Variants in ALK observed in about 807,000 individuals in gnomAD.
ALK encodes the protein ALK tyrosine kinase receptor.
Under a neutral mutation model 163.1 loss-of-function variants are expected in ALK, and 74 were observed. That is an observed-to-expected ratio of 0.45 (90% confidence interval 0.38 to 0.55). The LOEUF (loss-of-function observed/expected upper bound fraction) is 0.55, where lower values mean the gene tolerates loss of function less well. Ranked by LOEUF, ALK falls within the 20% of genes least tolerant of loss-of-function variation. ALK has a pLI of 0.00. For missense variants in ALK, 2,063 were observed against 2,105.3 expected (o/e 0.98, Z 0.39); for synonymous variants, 960 against 843.2 (o/e 1.14, Z -2.40).
intron 8 of ALK, among the ~76,000 whole-genome samples, chr2:29,308,892 C>A (rs1027696160): frequency 2.0e-5 from 3 of 147,744 alleles, no homozygotes; most frequent in Non-Finnish European, 4.5e-5. Context: ...GTTAAAGTTT[C>A]TGTCTGGTTT....
Position 29,716,927 on chromosome 2 carries a change from G to A in ALK, c.787+651C>T, listed in dbSNP as rs1296815520. 3.5e-5 allele frequency among the ~76,000 whole-genome samples: 5 copies of A among 144,334 alleles called. No homozygotes were observed. In the East Asian group the frequency reaches 8.1e-4, roughly 23 times the overall value. 94.7% of individuals were successfully genotyped at this position (144,334 alleles called of 152,430 possible). On this transcript the variant is annotated intron_variant, in intron 2 of 28. Transcript: ENST00000389048. ...TAGAAGGCTGAGGCAGGCGGATCAC[G>A]AGGTCAGGAGATCAAGACCATCCTG... is the stretch of plus-strand genomic sequence containing the variant.
chr2:29,265,210 G>A (rs529589765), intron 11 of ALK, among the ~76,000 whole-genome samples: 1 of 152,098 alleles, frequency 6.6e-6, no homozygotes, highest in Non-Finnish European at 1.5e-5. Flanking sequence ...TAGAGACAGG[G>A]TTTCACCATG....
chr2:29,732,112 T>C (rs1679758749), intron 1 of ALK, among the ~76,000 whole-genome samples: 1 of 152,226 alleles, frequency 6.6e-6, no homozygotes, highest in Admixed American at 6.5e-5. Context: ...AATGCATTGC[T>C]ACAATAGGGA....
chr2:29,354,611 A>AGAGAGAGAGG (rs1174776922), intron 5 of ALK, among the ~76,000 whole-genome samples: 2 of 136,690 alleles, frequency 1.5e-5, no homozygotes, highest in African/African-American at 5.5e-5. Context: ...AGAGAGAGAG[A>AGAGAGAGAGG]GAGAAGCTAA....
intron 12 of ALK, among the ~76,000 whole-genome samples, chr2:29,244,443 A>G (rs1361985728): frequency 1.3e-5 from 2 of 152,078 alleles, no homozygotes; most frequent in Non-Finnish European, 2.9e-5. Context: ...GAAGGGCCCA[A>G]TTGTGGAGGC....
intron 1 of ALK, among the ~76,000 whole-genome samples, chr2:29,902,032 T>C (rs891267237): frequency 2.6e-5 from 4 of 152,204 alleles, no homozygotes; most frequent in African/African-American, 7.2e-5. Flanking sequence ...CAAAAAGACA[T>C]GAAATTAAGT....
intron 4 of ALK, among the ~76,000 whole-genome samples, chr2:29,485,848 T>G (rs1374577913): frequency 2.0e-5 from 3 of 152,194 alleles, no homozygotes; most frequent in Non-Finnish European, 4.4e-5. Context: ...CGAAAAACAG[T>G]GGCCTCAGTG....
At chr2:29,409,535 C>T (rs898273302) in intron 4 of ALK, among the ~76,000 whole-genome samples, 2 of 152,150 alleles carry the variant, frequency 1.3e-5, no homozygotes, top group South Asian at 4.1e-4. Flanking sequence ...ATCCATTATT[C>T]TACTTTCCTC....
chr2:29,705,240 A>AAAG (rs1678863149), intron 2 of ALK, among the ~76,000 whole-genome samples: 1 of 47,122 alleles, frequency 2.1e-5, no homozygotes, highest in Non-Finnish European at 4.5e-5. Flanking sequence ...AAAGAAAAGA[A>AAAG]ATATATATAT....
intron 9 of ALK, among the ~76,000 whole-genome samples, chr2:29,285,321 T>C (rs182990327): frequency 1.6e-4 from 24 of 152,256 alleles, no homozygotes; most frequent in Non-Finnish European, 2.9e-4. Context: ...AGTGGTGTGA[T>C]CTTGGCTTAC....
intron 5 of ALK, among the ~76,000 whole-genome samples, chr2:29,347,502 G>C (rs990481381): frequency 6.6e-6 from 1 of 152,200 alleles, no homozygotes; most frequent in Non-Finnish European, 1.5e-5. Flanking sequence ...GCAGTCTGCC[G>C]TTGAGACCTT....
At chr2:29,571,482 T>A (rs1386113940) in intron 3 of ALK, among the ~76,000 whole-genome samples, 1 of 152,134 alleles carries the variant, frequency 6.6e-6, no homozygotes, top group African/African-American at 2.4e-5. Flanking sequence ...GTGAAGAACA[T>A]CCTTGTTTCC....
At chr2:29,572,589 T>C (rs1271372420) in intron 3 of ALK, among the ~76,000 whole-genome samples, 1 of 152,138 alleles carries the variant, frequency 6.6e-6, no homozygotes, top group Non-Finnish European at 1.5e-5. Context: ...TATATTCTCA[T>C]AGCAGCCTCT....
rs769693896 is a variant in ALK at position 29,196,853 on chromosome 2, T to C, written c.4081A>G (p.Ile1361Val). The C allele has an allele frequency of 1.2e-6, 2 of 1,612,690 alleles. No individual in the cohort carries two copies. Among genetic ancestry groups the C allele is most frequent in the South Asian group, 2.2e-5 (2 of 91,052 alleles). ...PKNCPGPVYR[I>V]MTQCWQHQPE... is the part of the protein sequence containing the mutation. ...TGATGTTGCCAGCACTGAGTCATTA[T>C]CCGGTATCTAAAAGAAGAAGCACAT... The change falls in exon 28 of 29, where the codon ATA becomes GTA. Residue 1361 changes from isoleucine (I) to valine (V), a missense_variant. Ile to Val is a conservative substitution (Grantham distance 29). This residue lies in a region of ALK where 403 missense variants were observed against 366.2 expected (regional missense o/e 1.10). Coordinates refer to ENST00000389048, the MANE Select transcript of ALK (RefSeq NM_004304.5).
chr2:29,605,043 T>A (rs1320413731), intron 3 of ALK, among the ~76,000 whole-genome samples: 2 of 152,200 alleles, frequency 1.3e-5, no homozygotes, highest in Non-Finnish European at 2.9e-5. Context: ...TAATCTACAG[T>A]CTAAAGAAAA....
chr2:29,750,662 A>G (rs892370203), intron 1 of ALK, among the ~76,000 whole-genome samples: 3 of 123,936 alleles, frequency 2.4e-5, no homozygotes, highest in Non-Finnish European at 5.4e-5. Context: ...GAAGGAAGGA[A>G]GGAAGGAAGG....
chr2:29,249,741 C>T (rs1664770250), intron 12 of ALK, among the ~76,000 whole-genome samples: 1 of 152,194 alleles, frequency 6.6e-6, no homozygotes, highest in Non-Finnish European at 1.5e-5. Flanking sequence ...CTCCAGGAGT[C>T]CTTTCCTCCC....
At chr2:29,889,354 CTTAT>C (rs1369128689) in intron 1 of ALK, among the ~76,000 whole-genome samples, 2 of 151,802 alleles carry the variant, frequency 1.3e-5, no homozygotes, top group South Asian at 2.1e-4. Flanking sequence ...TGTTTACTTG[CTTAT>C]TTAAGGAATG....
intron 2 of ALK, among the ~76,000 whole-genome samples, chr2:29,713,335 A>G (rs1679161450): frequency 6.6e-6 from 1 of 152,134 alleles, no homozygotes; most frequent in Non-Finnish European, 1.5e-5. Flanking sequence ...CTTTAACAAA[A>G]TTTTGTGGGG....
Sources: allele counts gnomAD v4.1 joint callset (sites outside exome capture counted in the v4.1 genomes callset), GRCh38; gene constraint gnomAD v4.1.1; regional missense constraint gnomAD v4.1.1; transcripts MANE v1.5; gene names NCBI Gene and HGNC (gene_info 2026-07-23, HGNC 2026-07-21).